Variants in NLRP4 observed in about 807,000 individuals in gnomAD.
NLRP4 encodes NLR family pyrin domain containing 4.
In NLRP4, 44 loss-of-function variants were observed where a neutral mutation model predicts 84.7. The ratio of observed to expected loss-of-function variants is 0.52; its 90% CI spans 0.41 to 0.67. NLRP4 has a LOEUF of 0.67. NLRP4 is among the 30% of genes least tolerant of loss of function. The pLI, the probability that NLRP4 is intolerant of heterozygous loss-of-function variation, is 0.00. For missense variants in NLRP4, 1,260 were observed against 1,219.4 expected, an observed-to-expected ratio of 1.03 and a Z score of -0.50; for synonymous variants, 544 against 476.4, an observed-to-expected ratio of 1.14 and a Z score of -1.85.
chr19:55,840,780 G>C (rs979134987), intron 1 of NLRP4, among the ~76,000 whole-genome samples: 9 of 152,106 alleles, frequency 5.9e-5, no homozygotes, highest in Non-Finnish European at 1.3e-4. Context: ...TGAGCCCTGT[G>C]GTTATGCAGC....
At chr19:55,863,847 AT>A (rs1223350007) in intron 5 of NLRP4, among the ~76,000 whole-genome samples, 2 of 151,940 alleles carry the variant, frequency 1.3e-5, no homozygotes, top group African/African-American at 4.8e-5. Context: ...AAGCATTTTT[AT>A]TTTTGCAATT....
chr19:55,867,909 G>GC, intron 6 of NLRP4, 33 bp downstream of exon 6: 1 of 1,598,410 alleles, frequency 6.3e-7, no homozygotes, highest in Non-Finnish European at 8.6e-7. Flanking sequence ...TACTGTGGAG[G>GC]GCCATGGCGG....
At chr19:55,859,274 T>G in intron 3 of NLRP4, 25 bp downstream of exon 3, 2 of 1,555,522 alleles carry the variant, frequency 1.3e-6, no homozygotes, top group Non-Finnish European at 1.7e-6. Context: ...TGACTTTTTC[T>G]CTCTTCTCAG....
At chr19:55,865,994 A>G (rs1276001533) in intron 5 of NLRP4, among the ~76,000 whole-genome samples, 2 of 151,912 alleles carry the variant, frequency 1.3e-5, no homozygotes, top group Non-Finnish European at 2.9e-5. Context: ...CCATTGCCTA[A>G]CCCAAATTCA....
At chr19:55,850,678 C>T (rs1342519304) in intron 1 of NLRP4, among the ~76,000 whole-genome samples, 2 of 135,664 alleles carry the variant, frequency 1.5e-5, no homozygotes, top group East Asian at 2.2e-4. Context: ...TCCGTGGCTG[C>T]GGTGTAATGT....
At chr19:55,877,222 G>T in intron 8 of NLRP4, 56 bp downstream of exon 8, 3 of 1,509,476 alleles carry the variant, frequency 2.0e-6, no homozygotes, top group Non-Finnish European at 2.8e-6. Flanking sequence ...ACGGAAAATG[G>T]ATGGGAAGAA....
intron 6 of NLRP4, among the ~76,000 whole-genome samples, chr19:55,868,677 T>A (rs1201723471): frequency 2.0e-5 from 3 of 152,056 alleles, no homozygotes; most frequent in African/African-American, 7.2e-5. Flanking sequence ...TAATTTTGTA[T>A]TTTTAGTAGA....
In NLRP4 at chr19:55,856,708, G is replaced by A. The variant is rs370602158; in HGVS notation, c.281-966G>A. On this transcript the variant is annotated intron_variant, in intron 2 of 9. Transcript: ENST00000301295. ...TTTTTGTATTTTTAGTAGAGACAGG[G>A]TTTCACCATGTTGGCCAGGATGGTC... Among the ~76,000 whole-genome samples the A allele has an allele frequency of 9.0e-4, 137 of 152,012 alleles. 2 individuals carry two copies. In the South Asian group the frequency reaches 0.019, roughly 21 times the overall value.
chr19:55,873,617 C>T (rs1985268301), intron 7 of NLRP4, among the ~76,000 whole-genome samples: 1 of 151,850 alleles, frequency 6.6e-6, no homozygotes, highest in South Asian at 2.1e-4. Context: ...TATAGTTAAT[C>T]TTAAGTAAAT....
chr19:55,846,842 G>A (rs450838), intron 1 of NLRP4, among the ~76,000 whole-genome samples: 1 of 151,954 alleles, frequency 6.6e-6, no homozygotes, highest in Non-Finnish European at 1.5e-5. Context: ...GCAAAAGCAC[G>A]CAGGGGAGAA....
chr19:55,858,282 T>G lies in NLRP4; in HGVS notation c.889T>G (p.Tyr297Asp), dbSNP rs926230174. Reference sequence around the variant, plus strand: ...GGATCAGGTGACGATCTCAGAAATCTACCAGCCCCGGGGATTCAACGAGAG... The same window carrying G: ...GGATCAGGTGACGATCTCAGAAATCGACCAGCCCCGGGGATTCAACGAGAG... The part of the protein sequence containing the change: ...LRDQVTISEI[Y>D]QPRGFNESDR... Residue 297 changes from tyrosine to aspartate, a missense_variant, in exon 3 of 10, where the codon TAC becomes GAC. Physicochemically the swap from Tyr to Asp is radical, Grantham distance 160. Around this residue, in one of 3 missense-constraint regions of NLRP4, gnomAD observed 712 missense variants for 669.2 expected, o/e 1.06. Transcript: ENST00000301295. The surrounding 1 kb of genome is among the most constrained non-coding windows in gnomAD (Gnocchi z 4.2). The G allele has an allele frequency of 6.2e-7, 1 of 1,614,194 alleles. No homozygotes were observed. Among genetic ancestry groups the G allele is most frequent in the Admixed American group, 1.7e-5 (1 of 60,016 alleles).
chr19:55,848,788 G>A lies in NLRP4; in HGVS notation c.-65-3228G>A, dbSNP rs575017055. Among the ~76,000 whole-genome samples the A allele has an allele frequency of 1.3e-3, 194 of 152,206 alleles. 1 individual carries two copies. The highest frequency in any genetic ancestry group is 4.5e-3 in the African/African-American group (187 of 41,542). ...CCCCACCCAAATCTCATCTTGAATT[G>A]TGGCTCCCATAATTCCCACATGTGG... is the stretch of plus-strand genomic sequence containing the variant. On this transcript the variant is annotated intron_variant, in intron 1 of 9. Transcript: ENST00000301295.
intron 1 of NLRP4, among the ~76,000 whole-genome samples, chr19:55,849,361 G>A (rs987011810): frequency 5.3e-5 from 8 of 152,270 alleles, no homozygotes; most frequent in African/African-American, 1.2e-4. Context: ...TAACAGTACC[G>A]TAGACTAAGA....
chr19:55,868,380 A>G (rs1321617423), intron 6 of NLRP4, among the ~76,000 whole-genome samples: 1 of 152,230 alleles, frequency 6.6e-6, no homozygotes, highest in Non-Finnish European at 1.5e-5. Flanking sequence ...CGTAAAACAC[A>G]GAAGGAAGAC....
Position 55,847,527 on chromosome 19 carries a change from T to G in NLRP4, c.-65-4489T>G, listed in dbSNP as rs2123003380. Among the ~76,000 whole-genome samples the G allele has an allele frequency of 1.3e-5, 2 of 152,268 alleles. 1 individual carries two copies. ...CTATGTTTTTAGTATCTTTTAAAAT[T>G]TTAGACTTGTTTTAGACACAGAAAA... is the stretch of plus-strand genomic sequence containing the variant. On this transcript the variant is annotated intron_variant, in intron 1 of 9. Transcript: ENST00000301295.
rs777582848 is a variant in NLRP4, at chr19:55,881,565, C to A, written c.2963C>A (p.Thr988Lys). The A allele has an allele frequency of 7.0e-6, 11 of 1,578,126 alleles. No individual in the cohort carries two copies. Among genetic ancestry groups the A allele is most frequent in the Non-Finnish European group, 8.7e-6 (10 of 1,147,450 alleles). ...CTGACCATCACAGACGACTGTGACA[C>A]AATCACAAGGGTAGAGATCTGATTG... ...PNLTITDDCD[T>K]ITRVEI Residue 988 changes from threonine (T) to lysine (K), a missense_variant, in exon 10 of 10, where the codon ACA becomes AAA. Coordinates refer to ENST00000301295, the MANE Select transcript of NLRP4 (RefSeq NM_134444.5).
intron 1 of NLRP4, 23 bp from the exon 2 acceptor site, chr19:55,851,993 G>A (rs1984180425): frequency 2.2e-6 from 2 of 921,224 alleles, no homozygotes; most frequent in East Asian, 4.8e-5. Flanking sequence ...TAATAACTTG[G>A]CACTGTCCTG....
intron 6 of NLRP4, 36 bp from the exon 7 acceptor site, chr19:55,870,791 C>G (rs758676848): frequency 5.8e-6 from 9 of 1,552,110 alleles, no homozygotes; most frequent in Non-Finnish European, 8.0e-6. Context: ...CACCACGTCC[C>G]TCTTCACTCT....
chr19:55,858,289 C>T lies in NLRP4; in HGVS notation c.896C>T (p.Pro299Leu). The T allele has an allele frequency of 2.5e-6, 4 of 1,614,130 alleles. No individual in the cohort carries two copies. The highest frequency in any genetic ancestry group is 1.3e-5 in the African/African-American group (1 of 75,022). ...GTGACGATCTCAGAAATCTACCAGC[C>T]CCGGGGATTCAACGAGAGTGATAGG... ...DQVTISEIYQ[P>L]RGFNESDRLV... The change falls in exon 3 of 10, where the codon CCC (proline) becomes CTC (leucine). Residue 299 changes from proline (P) to leucine (L), a missense_variant. Physicochemically the swap from Pro to Leu is moderately conservative, Grantham distance 98. This residue lies in a region of NLRP4 where 712 missense variants were observed against 669.2 expected (regional missense o/e 1.06). Coordinates refer to ENST00000301295, the MANE Select transcript of NLRP4 (RefSeq NM_134444.5). This position sits in a 1 kb window ranked among gnomAD's most constrained non-coding sequence, Gnocchi z 4.2.
Sources: gnomAD v4.1 joint callset for allele counts (sites outside exome capture counted in the v4.1 genomes callset) on GRCh38, gnomAD v4.1.1 for gene constraint, gnomAD v4.1.1 regional missense constraint, Gnocchi (gnomAD v3.1) non-coding constraint, MANE v1.5 for transcripts, NCBI Gene and HGNC (gene_info 2026-07-23, HGNC 2026-07-21) for gene names.